COL1A2: variants seen among roughly 807,000 people sequenced by gnomAD.
The protein encoded by COL1A2 is collagen type I alpha 2 chain.
Under a neutral mutation model 174.3 loss-of-function variants are expected in COL1A2, and 49 were observed. The observed-to-expected ratio is 0.28, with a 90% CI of 0.22 to 0.36. The LOEUF (loss-of-function observed/expected upper bound fraction) is 0.36. Ranked by LOEUF, COL1A2 falls within the 10% of genes least tolerant of loss-of-function variation. The pLI, the probability that COL1A2 is intolerant of heterozygous loss-of-function variation, is 1.00. For synonymous variants in COL1A2, 655 were observed against 606.6 expected, an observed-to-expected ratio of 1.08 and a Z score of -1.17; for missense variants, 1,438 against 1,822.7, an observed-to-expected ratio of 0.79 and a Z score of 3.84.
chr7:94,395,328 A>G, intron 1 of COL1A2: 1 of 622,860 alleles, frequency 1.6e-6, no homozygotes, highest in Non-Finnish European at 3.0e-6. Context: ...CTAAGTTCAG[A>G]GTGAGACAGT....
intron 16 of COL1A2, among the ~76,000 whole-genome samples, chr7:94,409,054 C>T (rs1180325822): frequency 6.6e-6 from 1 of 152,022 alleles, no homozygotes; most frequent in Non-Finnish European, 1.5e-5. Context: ...TGGAAATTGT[C>T]TCTAGGACTA....
At chr7:94,416,631 T>A (rs1251416634) in intron 31 of COL1A2, 128 bp downstream of exon 31, 1 of 739,088 alleles carries the variant, frequency 1.4e-6, no homozygotes, top group African/African-American at 1.7e-5. Context: ...GACTTCCCTC[T>A]CAGTAAACAG....
chr7:94,415,096 G>A, intron 29 of COL1A2, 130 bp from the exon 30 acceptor site: 1 of 801,934 alleles, frequency 1.2e-6, no homozygotes, highest in Non-Finnish European at 2.2e-6. Context: ...TTATTAGCCT[G>A]TGTACTTATG....
intron 51 of COL1A2, 172 bp from the exon 52 acceptor site, chr7:94,430,075 C>T (rs1792367228): frequency 1.5e-6 from 1 of 666,456 alleles, no homozygotes; most frequent in Non-Finnish European, 2.6e-6. Context: ...GGAGCCCCTC[C>T]CACTAAAGAC....
At chr7:94,406,693 T>C (rs1280616305) in intron 12 of COL1A2, among the ~76,000 whole-genome samples, 2 of 152,170 alleles carry the variant, frequency 1.3e-5, no homozygotes, top group East Asian at 1.9e-4. Flanking sequence ...ATTAGATAGG[T>C]ACATTCATGT....
chr7:94,418,355 G>A, intron 32 of COL1A2, 144 bp from the exon 33 acceptor site: 1 of 681,908 alleles, frequency 1.5e-6, no homozygotes, highest in Non-Finnish European at 2.6e-6. Context: ...TCTACAGAAT[G>A]GTAAGGAATC....
chr7:94,423,814 C>T (rs1584328524), intron 40 of COL1A2: 2 of 169,866 alleles, frequency 1.2e-5, no homozygotes, highest in African/African-American at 2.4e-5. Context: ...AGGCTGGTCT[C>T]GATCTCCTGA....
intron 17 of COL1A2, 63 bp downstream of exon 17, chr7:94,409,483 G>A: frequency 6.2e-7 from 1 of 1,609,880 alleles, no homozygotes; most frequent in South Asian, 1.1e-5. Context: ...GTATGGGGAA[G>A]AAGAAGAATG....
At chr7:94,410,755 G>A in intron 21 of COL1A2, 134 bp from the exon 22 acceptor site, 1 of 1,020,162 alleles carries the variant, frequency 9.8e-7, no homozygotes, top group South Asian at 1.4e-5. Flanking sequence ...TCCTCTAGGG[G>A]TTGGGTGAAG....
At chr7:94,404,207 G>A (rs1011848885) in intron 6 of COL1A2, among the ~76,000 whole-genome samples, 2 of 152,186 alleles carry the variant, frequency 1.3e-5, no homozygotes, top group African/African-American at 4.8e-5. Context: ...AAATGGACAT[G>A]CTTCATCTGC....
chr7:94,424,965 C>A, intron 41 of COL1A2, 152 bp from the exon 42 acceptor site: 1 of 701,280 alleles, frequency 1.4e-6, no homozygotes, highest in Non-Finnish European at 2.6e-6. Flanking sequence ...AGAGATGATA[C>A]TAATGATACT....
chr7:94,395,518 A>T (rs1584310624), intron 1 of COL1A2: 2 of 335,044 alleles, frequency 6.0e-6, no homozygotes. Context: ...AAAGCCCTTC[A>T]ACTGAGTAAT....
intron 39 of COL1A2, chr7:94,422,356 C>T (rs1278139363): frequency 6.2e-6 from 1 of 162,180 alleles, no homozygotes; most frequent in Non-Finnish European, 1.3e-5. Flanking sequence ...TCAGACTCTC[C>T]TGTCAGGACT....
At chr7:94,413,843 A>C in intron 27 of COL1A2, 51 bp from the exon 28 acceptor site, 1 of 1,610,688 alleles carries the variant, frequency 6.2e-7, no homozygotes, top group Non-Finnish European at 8.5e-7. Context: ...ACAGCTAGAC[A>C]ACAGTGGTGA....
intron 31 of COL1A2, 31 bp from the exon 32 acceptor site, chr7:94,417,693 T>A (rs1185321986): frequency 1.4e-5 from 21 of 1,528,674 alleles, no homozygotes; most frequent in Non-Finnish European, 1.7e-5. Context: ...CTTTCTCCAC[T>A]AAAATTGATT....
At chr7:94,412,232 CAT>C in intron 24 of COL1A2, 111 bp downstream of exon 24, 1 of 905,474 alleles carries the variant, frequency 1.1e-6, no homozygotes. Flanking sequence ...ATATCAGACA[CAT>C]ACATCATCTG....
rs760682336 is a variant in COL1A2, at chr7:94,409,765, C to T, written c.979C>T (p.Arg327Cys). ...VAGAPGLPGPRGIPGPVGAAG... is the reference protein window; with the variant it reads ...VAGAPGLPGPCGIPGPVGAAG... ...TGGGGCTCCCGGCCTCCCTGGACCC[C>T]GCGGTATTCCTGGCCCTGTTGGTGC... is the stretch of plus-strand genomic sequence containing the variant. The change falls in exon 19 of 52, where the codon CGC (arginine) becomes TGC (cysteine). Residue 327 changes from arginine (R) to cysteine (C), a missense_variant. Arg to Cys is a radical substitution (Grantham distance 180, BLOSUM62 -3). Transcript: ENST00000297268. 25 of 1,614,012 alleles carry T rather than the reference C, an allele frequency of 1.5e-5. No homozygotes were observed. In the Admixed American group the frequency reaches 2.3e-4, roughly 15 times the overall value.
At chr7:94,400,802 T>G (rs549129377) in intron 5 of COL1A2, among the ~76,000 whole-genome samples, 17 of 152,350 alleles carry the variant, frequency 1.1e-4, no homozygotes, top group Middle Eastern at 3.4e-3. Flanking sequence ...AACAATGGTA[T>G]GAGTGCCAAA....
chr7:94,425,080 T>C (rs1792245683), intron 41 of COL1A2, 37 bp from the exon 42 acceptor site: 1 of 1,578,972 alleles, frequency 6.3e-7, no homozygotes, highest in African/African-American at 1.3e-5. Context: ...TTCCATCGAA[T>C]AAGGGGAATG....
Sources: allele counts gnomAD v4.1 joint callset (sites outside exome capture counted in the v4.1 genomes callset), GRCh38; gene constraint gnomAD v4.1.1; transcripts MANE v1.5; gene names NCBI Gene and HGNC (gene_info 2026-07-23, HGNC 2026-07-21).